CDK12: variants seen among roughly 807,000 people sequenced by gnomAD.
CDK12 encodes the protein cyclin dependent kinase 12, also known as cyclin-dependent kinase 12.
CDK12 carries 17 observed loss-of-function variants against 133.8 expected under a neutral mutation model. The ratio of observed to expected loss-of-function variants is 0.13; its 90% CI spans 0.09 to 0.19. CDK12 has a LOEUF of 0.19. Among genes scored for constraint, CDK12 ranks in the 10% least tolerant of loss-of-function variants. The pLI is 1.00. For missense variants in CDK12, 1,508 were observed against 1,818.7 expected (o/e 0.83, Z 3.11); for synonymous variants, 694 against 683.6 (o/e 1.02, Z -0.24).
rs199623221 is a variant in CDK12 at position 39,495,481 on chromosome 17, TAGA to T, written c.2419+798_2419+800del. Among the ~76,000 whole-genome samples, 139 of 143,694 alleles carry T rather than the reference TAGA, an allele frequency of 9.7e-4. 1 individual carries two copies. Among genetic ancestry groups the T allele is most frequent in the African/African-American group, 3.4e-3 (130 of 37,926 alleles). The allele number at this position is 143,694 out of a possible 152,430, so 94.3% of individuals were successfully genotyped here. ...GCCTTTGGTGGAAAAACTGAAAATA[TAGA>T]AGAAGAAGAAAAAGAAGATGGTAGT... On this transcript the variant is annotated intron_variant, in intron 5 of 13. Coordinates refer to ENST00000447079, the MANE Select transcript of CDK12 (RefSeq NM_016507.4).
chr17:39,476,348 A>T (rs1435842483), intron 2 of CDK12, among the ~76,000 whole-genome samples: 2 of 151,980 alleles, frequency 1.3e-5, no homozygotes, highest in African/African-American at 4.8e-5. Context: ...TGATCTCATG[A>T]TCTGTCCGCC....
rs538660500 is a variant in CDK12, at chr17:39,533,240, G to A, written c.*1924G>A. On this transcript the variant is annotated 3_prime_UTR_variant, in exon 14 of 14. Coordinates refer to ENST00000447079, the MANE Select transcript of CDK12 (RefSeq NM_016507.4). ...GCCTCCAGGGCCAAACACTGATTTAGAAAGAGAGCCTTCTAGCTATTTTGG... is the reference window on the plus strand; with the variant it reads ...GCCTCCAGGGCCAAACACTGATTTAAAAAGAGAGCCTTCTAGCTATTTTGG... 2 of 233,096 alleles carry A rather than the reference G, an allele frequency of 8.6e-6. No individual in the cohort carries two copies. Among genetic ancestry groups the A allele is most frequent in the Admixed American group, 5.6e-5 (1 of 17,798 alleles). The allele number at this position is 233,096 out of a possible 1,614,324, so 14.4% of individuals were successfully genotyped here. A position where few individuals can be genotyped will look rare whatever the true frequency, so the allele number is the denominator to read the frequency against.
chr17:39,566,686 C>T (rs984798289), downstream of CDK12, among the ~76,000 whole-genome samples: 1 of 152,202 alleles, frequency 6.6e-6, no homozygotes, highest in Non-Finnish European at 1.5e-5. Flanking sequence ...GGCAGCCCCC[C>T]TCCCCAACTC....
chr17:39,537,832 G>T (rs2055212047), downstream of CDK12, among the ~76,000 whole-genome samples: 3 of 152,062 alleles, frequency 2.0e-5, no homozygotes, highest in South Asian at 6.2e-4. Flanking sequence ...AAAGTGCTCG[G>T]CCTCCCAAAG....
downstream of CDK12, among the ~76,000 whole-genome samples, chr17:39,538,053 G>A (rs563245096): frequency 1.3e-5 from 2 of 152,230 alleles, no homozygotes; most frequent in East Asian, 3.9e-4. Flanking sequence ...TGGAGGATGG[G>A]CCAAGAACCC....
At chr17:39,497,060 A>G (rs2052183176) in intron 5 of CDK12, among the ~76,000 whole-genome samples, 1 of 151,452 alleles carries the variant, frequency 6.6e-6, no homozygotes, top group Admixed American at 6.6e-5. Flanking sequence ...CCTTTGGAGT[A>G]GCTGGGCTTA....
At chr17:39,541,378 T>G (rs1260773632) in intron 1 of CDK12, among the ~76,000 whole-genome samples, 1 of 90,970 alleles carries the variant, frequency 1.1e-5, no homozygotes, top group East Asian at 3.6e-4. Context: ...TTTTTTTTTT[T>G]TTTTTTTGAG....
In CDK12 at chr17:39,531,714, GA is replaced by G. The variant is rs918723247; in HGVS notation, c.*399del. On this transcript the variant is annotated 3_prime_UTR_variant, in exon 14 of 14. Coordinates refer to ENST00000447079, the MANE Select transcript of CDK12 (RefSeq NM_016507.4). Reference sequence around the variant, plus strand: ...TGATTTTTAAAGTTTTGGGGTGGGGGATTGTGTGTGGTTTCTTTCTTTTGAA... The same window carrying G: ...TGATTTTTAAAGTTTTGGGGTGGGGGTTGTGTGTGGTTTCTTTCTTTTGAA... The G allele has an allele frequency of 6.5e-5, 16 of 245,580 alleles. No homozygotes were observed. The highest frequency in any genetic ancestry group is 1.3e-4 in the Non-Finnish European group (16 of 126,892). 15.2% of individuals were successfully genotyped at this position (245,580 alleles called of 1,614,324 possible). A position where few individuals can be genotyped will look rare whatever the true frequency, so the allele number is the denominator to read the frequency against.
chr17:39,534,614 C>T (rs1004560017), downstream of CDK12: 16 of 218,622 alleles, frequency 7.3e-5, no homozygotes, highest in East Asian at 4.7e-4. Context: ...GTATAAAGGA[C>T]GTTTTTCCTC....
intron 1 of CDK12, among the ~76,000 whole-genome samples, chr17:39,469,412 CTTTA>C (rs769118787): frequency 2.6e-5 from 4 of 152,228 alleles, no homozygotes; most frequent in Non-Finnish European, 4.4e-5. Context: ...ATTTTCTCCA[CTTTA>C]TTTGTTTTGT....
intron 7 of CDK12, among the ~76,000 whole-genome samples, chr17:39,511,210 G>T (rs565890762): frequency 1.4e-5 from 1 of 70,108 alleles, no homozygotes; most frequent in African/African-American, 4.9e-5. Flanking sequence ...GCAAGACACC[G>T]TCTCAAAAAA....
chr17:39,490,444 C>T (rs2051497863), intron 2 of CDK12, 113 bp from the exon 3 acceptor site: 18 of 646,572 alleles, frequency 2.8e-5, no homozygotes, highest in South Asian at 2.7e-5. Flanking sequence ...GGTTTTTTTC[C>T]TTAAAAATTA....
intron 1 of CDK12, among the ~76,000 whole-genome samples, chr17:39,466,500 G>C (rs1259998628): frequency 1.3e-5 from 2 of 150,884 alleles, no homozygotes; most frequent in African/African-American, 2.4e-5. Flanking sequence ...TGTAATCCCA[G>C]CTACTTGGGA....
At chr17:39,550,694 G>A (rs1466682878) in intron 1 of CDK12, 1 of 152,178 alleles carries the variant, frequency 6.6e-6, no homozygotes, top group Non-Finnish European at 1.5e-5. Context: ...ATGAGGCCTG[G>A]TGCCTTTTGG....
chr17:39,547,129 A>ATTTTTTTT (rs34569985), upstream of CDK12, among the ~76,000 whole-genome samples: 1 of 90,610 alleles, frequency 1.1e-5, no homozygotes, highest in Non-Finnish European at 2.1e-5. Flanking sequence ...GAGTACTAGG[A>ATTTTTTTT]TTTTTTTTTT....
At chr17:39,495,177 T>G (rs2051978247) in intron 5 of CDK12, among the ~76,000 whole-genome samples, 1 of 152,026 alleles carries the variant, frequency 6.6e-6, no homozygotes, top group Non-Finnish European at 1.5e-5. Context: ...CTCTCGGGTT[T>G]AAGTGATTCT....
intron 2 of CDK12, among the ~76,000 whole-genome samples, chr17:39,474,729 A>G (rs1407273105): frequency 6.6e-6 from 1 of 151,806 alleles, no homozygotes; most frequent in Non-Finnish European, 1.5e-5. Context: ...AAGGGGGAAA[A>G]AAACTATTTT....
In CDK12 at chr17:39,532,491, G is replaced by A. The variant is rs182919083; in HGVS notation, c.*1175G>A. Reference sequence around the variant, plus strand: ...AAAAAACAAAAACCTTTCAAACAGAGCATTGTGATATTGTCAAAGAGAAAA... The same window carrying A: ...AAAAAACAAAAACCTTTCAAACAGAACATTGTGATATTGTCAAAGAGAAAA... On this transcript the variant is annotated 3_prime_UTR_variant, in exon 14 of 14. Coordinates refer to ENST00000447079, the MANE Select transcript of CDK12 (RefSeq NM_016507.4). The A allele has an allele frequency of 4.3e-6, 1 of 231,636 alleles. No homozygotes were observed. Among genetic ancestry groups the A allele is most frequent in the East Asian group, 6.1e-5 (1 of 16,478 alleles). The allele number at this position is 231,636 out of a possible 1,614,324, so 14.3% of individuals were successfully genotyped here. A position where few individuals can be genotyped will look rare whatever the true frequency, so the allele number is the denominator to read the frequency against.
intron 2 of CDK12, among the ~76,000 whole-genome samples, chr17:39,472,752 T>C (rs1323161580): frequency 6.6e-6 from 1 of 151,982 alleles, no homozygotes; most frequent in African/African-American, 2.4e-5. Context: ...AAATTTAACA[T>C]TGACTTAGTA....
Sources: allele counts gnomAD v4.1 joint callset (sites outside exome capture counted in the v4.1 genomes callset), GRCh38; gene constraint gnomAD v4.1.1; transcripts MANE v1.5; gene names NCBI Gene and HGNC (gene_info 2026-07-23, HGNC 2026-07-21).